Variants in WDTC1 observed in about 807,000 individuals in gnomAD.
The protein encoded by WDTC1 is WD and tetratricopeptide repeats protein 1.
In WDTC1, 12 loss-of-function variants were observed where a neutral mutation model predicts 76.0. That is an observed-to-expected ratio of 0.16 (90% confidence interval 0.10 to 0.26). WDTC1 has a LOEUF of 0.26. Ranked by LOEUF, WDTC1 falls within the 10% of genes least tolerant of loss-of-function variation. WDTC1 has a pLI of 1.00. For missense variants in WDTC1, 511 were observed against 908.8 expected (o/e 0.56, Z 5.63); for synonymous variants, 326 against 350.8 (o/e 0.93, Z 0.79).
intron 10 of WDTC1, among the ~76,000 whole-genome samples, chr1:27,296,794 C>CCAGCCCCAGCCCTAGCCA (rs2013702513): frequency 6.6e-6 from 1 of 150,630 alleles, no homozygotes; most frequent in Non-Finnish European, 1.5e-5. Context: ...AACCCTAGCC[C>CCAGCCCCAGCCCTAGCCA]CAGCCCCAGC....
At chr1:27,249,416 A>C (rs1326930638) in intron 1 of WDTC1, among the ~76,000 whole-genome samples, 1 of 152,100 alleles carries the variant, frequency 6.6e-6, no homozygotes, top group Non-Finnish European at 1.5e-5. Context: ...GGCTTCTTTC[A>C]CTTGGCATAA....
chr1:27,283,519 CG>C (rs2013250880), intron 5 of WDTC1, 70 bp downstream of exon 5: 1 of 1,446,674 alleles, frequency 6.9e-7, no homozygotes, highest in East Asian at 2.3e-5. Context: ...GCTGTGGCCA[CG>C]CCATGTTGGT....
chr1:27,282,098 C>A (rs2013206376), intron 3 of WDTC1, 141 bp from the exon 4 acceptor site: 3 of 693,066 alleles, frequency 4.3e-6, no homozygotes, highest in East Asian at 2.7e-5. Context: ...CAGTTTAAGT[C>A]CACTTTGGCC....
At chr1:27,269,281 G>T (rs2012779685) in intron 3 of WDTC1, among the ~76,000 whole-genome samples, 1 of 149,712 alleles carries the variant, frequency 6.7e-6, no homozygotes, top group African/African-American at 2.5e-5. Context: ...GGTTGAAGCT[G>T]CAGTGAGCCA....
In WDTC1 at chr1:27,283,458, G is replaced by GACAAGCCACAGAGCAAGC. The variant is rs768051348; in HGVS notation, c.291+22_291+39dup. ...ATATCTTCTCTGTCAAGGTGAGCAG[G>GACAAGCCACAGAGCAAGC]ACAAGCCACAGAGCAAGCACAAGCC... On this transcript the variant is annotated intron_variant, in intron 5 of 15. Transcript: ENST00000319394. The GACAAGCCACAGAGCAAGC allele has an allele frequency of 1.9e-6, 3 of 1,591,796 alleles. No individual in the cohort carries two copies. Among genetic ancestry groups the GACAAGCCACAGAGCAAGC allele is most frequent in the East Asian group, 2.3e-5 (1 of 43,542 alleles).
chr1:27,241,407 C>T (rs982613573), intron 1 of WDTC1, among the ~76,000 whole-genome samples: 1 of 152,140 alleles, frequency 6.6e-6, no homozygotes, highest in African/African-American at 2.4e-5. Context: ...CTTAGGGGGC[C>T]TTCCTGAGAA....
chr1:27,250,660 T>G (rs2012018058), intron 1 of WDTC1, among the ~76,000 whole-genome samples: 1 of 152,108 alleles, frequency 6.6e-6, no homozygotes. Flanking sequence ...TGCTGCGTTA[T>G]CCAGAGCCAA....
At chr1:27,247,965 G>A (rs1249329004) in intron 1 of WDTC1, among the ~76,000 whole-genome samples, 5 of 152,000 alleles carry the variant, frequency 3.3e-5, no homozygotes, top group Non-Finnish European at 7.4e-5. Context: ...TGATCTGCCC[G>A]CCTCGGCCTC....
chr1:27,290,360 T>C (rs1424903052), intron 6 of WDTC1, among the ~76,000 whole-genome samples: 5 of 152,208 alleles, frequency 3.3e-5, no homozygotes, highest in African/African-American at 1.2e-4. Flanking sequence ...CTATGATTGC[T>C]GGTGTGAGCT....
chr1:27,272,811 A>G lies in WDTC1; in HGVS notation c.133-9428A>G, dbSNP rs561688057. On this transcript the variant is annotated intron_variant, in intron 3 of 15. Transcript: ENST00000319394. Reference sequence around the variant, plus strand: ...GTACTTCTAGGTACTCAGGAGTTTGAGGCAGGGGAATCACTTGAGCCCAGG... The same window carrying G: ...GTACTTCTAGGTACTCAGGAGTTTGGGGCAGGGGAATCACTTGAGCCCAGG... Among the ~76,000 whole-genome samples, 3 of 152,312 alleles carry G rather than the reference A, an allele frequency of 2.0e-5. No individual in the cohort carries two copies. The South Asian group carries it at 6.2e-4, about 32-fold the overall frequency.
rs781579228 is a variant in WDTC1 at position 27,303,766 on chromosome 1, G to A, written c.1614G>A (p.Thr538=). 5.6e-6 allele frequency: 9 copies of A among 1,613,932 alleles called. No homozygotes were observed. Among genetic ancestry groups the A allele is most frequent in the East Asian group, 2.2e-5 (1 of 44,886 alleles). ...ACTGCGGCCACTGCAACACCACCACGGATATCAAAGAGGCCAATTTCTTTG... is the reference window on the plus strand; with the variant it reads ...ACTGCGGCCACTGCAACACCACCACAGATATCAAAGAGGCCAATTTCTTTG... ...FRYCGHCNTT[T]DIKEANFFGS... The change falls in exon 14 of 16, where the codon ACG becomes ACA. Residue 538 remains threonine (T), a synonymous_variant. Coordinates refer to ENST00000319394, the MANE Select transcript of WDTC1 (RefSeq NM_001276252.2). This position sits in a 1 kb window ranked among gnomAD's most constrained non-coding sequence, Gnocchi z 4.8.
chr1:27,294,252 A>G (rs768457995), intron 8 of WDTC1, 136 bp downstream of exon 8: 1 of 937,386 alleles, frequency 1.1e-6, no homozygotes. Flanking sequence ...TTTAATCCCA[A>G]CTCTGCCATT....
Position 27,306,576 on chromosome 1 carries a change from C to T in WDTC1, c.*193C>T. ...GCTTTCGGACTCTGGGCTGATTGTC[C>T]CCTGACTATCCCCAGCCCTGAAAAA... On this transcript the variant is annotated 3_prime_UTR_variant, in exon 16 of 16. Transcript: ENST00000319394. This position sits in a 1 kb window ranked among gnomAD's most constrained non-coding sequence, Gnocchi z 5.0. 4.5e-6 allele frequency: 3 copies of T among 664,818 alleles called. No individual in the cohort carries two copies. The highest frequency in any genetic ancestry group is 3.0e-5 in the Admixed American group (1 of 33,788). The allele number at this position is 664,818 out of a possible 1,614,324, so 41.2% of individuals were successfully genotyped here.
intron 1 of WDTC1, among the ~76,000 whole-genome samples, chr1:27,238,092 T>C (rs2011530926): frequency 1.3e-5 from 2 of 152,124 alleles, no homozygotes; most frequent in Admixed American, 6.6e-5. Flanking sequence ...ATTATACCTA[T>C]GAAGAAACAG....
At chr1:27,278,323 T>C (rs2147955112) in intron 3 of WDTC1, among the ~76,000 whole-genome samples, 1 of 152,334 alleles carries the variant, frequency 6.6e-6, no homozygotes, top group African/African-American at 2.4e-5. Context: ...TCTGAGCCTT[T>C]ACAGAAAAGA....
At chr1:27,297,906 A>T (rs368308452) in intron 11 of WDTC1, 32 bp from the exon 12 acceptor site, 11 of 1,574,426 alleles carry the variant, frequency 7.0e-6, no homozygotes, top group Middle Eastern at 1.7e-4. Context: ...ACCTTCTTTG[A>T]CTGTTCTGAC....
At chr1:27,254,304 A>G (rs2012198977) in intron 1 of WDTC1, among the ~76,000 whole-genome samples, 1 of 152,060 alleles carries the variant, frequency 6.6e-6, no homozygotes, top group African/African-American at 2.4e-5. Context: ...TATTCACCAG[A>G]ATGCTAACCA....
At chr1:27,304,958 G>A (rs2013917301) in intron 14 of WDTC1, 43 bp from the exon 15 acceptor site, 2 of 1,577,890 alleles carry the variant, frequency 1.3e-6, no homozygotes, top group South Asian at 2.3e-5. Flanking sequence ...AGGCTGTAGG[G>A]CAGTACCCCA....
rs894417412 is a variant in WDTC1 at position 27,234,834 on chromosome 1, C to G, written c.-217C>G. 7.6e-6 allele frequency: 3 copies of G among 396,630 alleles called. No homozygotes were observed. The highest frequency in any genetic ancestry group is 1.3e-5 in the Non-Finnish European group (3 of 224,878). 24.6% of individuals were successfully genotyped at this position (396,630 alleles called of 1,614,324 possible). Reference sequence around the variant, plus strand: ...TGGGAAGGGGCTAGAACTGCTCGAGCCCCCCAGCCCCCTCCCCGGGATCCG... The same window carrying G: ...TGGGAAGGGGCTAGAACTGCTCGAGGCCCCCAGCCCCCTCCCCGGGATCCG... On this transcript the variant is annotated 5_prime_UTR_variant, in exon 1 of 16. Transcript: ENST00000319394.
Sources: allele counts gnomAD v4.1 joint callset (sites outside exome capture counted in the v4.1 genomes callset), GRCh38; gene constraint gnomAD v4.1.1; non-coding constraint Gnocchi (gnomAD v3.1); transcripts MANE v1.5; gene names NCBI Gene and HGNC (gene_info 2026-07-23, HGNC 2026-07-21).